Variants in PCDHA2 observed in about 807,000 individuals in gnomAD.
PCDHA2 encodes the protein protocadherin alpha-2.
In PCDHA2, 58 loss-of-function variants were observed where a neutral mutation model predicts 66.0. The ratio of observed to expected loss-of-function variants is 0.88; its 90% confidence interval spans 0.71 to 1.09. PCDHA2 has a LOEUF of 1.09. Ranked by LOEUF, PCDHA2 falls within the 50% of genes least tolerant of loss-of-function variation. The probability of loss-of-function intolerance (pLI) is 0.00; values close to 1 mark genes in which losing one functional copy is unlikely to be tolerated. For missense variants in PCDHA2, 1,267 were observed against 1,242.3 expected, an observed-to-expected ratio of 1.02 and a Z score of -0.30; for synonymous variants, 634 against 554.0, an observed-to-expected ratio of 1.14 and a Z score of -2.03.
chr5:140,840,505 T>G (rs1776737088), intron 1 of PCDHA2, among the ~76,000 whole-genome samples: 1 of 152,026 alleles, frequency 6.6e-6, no homozygotes, highest in African/African-American at 2.4e-5. Flanking sequence ...AATACTCACT[T>G]TTTGGAGCAG....
At chr5:140,824,019 G>C in intron 1 of PCDHA2, 1 of 1,614,082 alleles carries the variant, frequency 6.2e-7, no homozygotes, top group Non-Finnish European at 8.5e-7. Flanking sequence ...GGAGCTGGTC[G>C]TACTCGCAGC....
At chr5:140,849,467 TA>T (rs2040919541) in intron 1 of PCDHA2, 1 of 1,589,264 alleles carries the variant, frequency 6.3e-7, no homozygotes, top group African/African-American at 1.4e-5. Flanking sequence ...AGGCTGTCGA[TA>T]AAGGCTTCCC....
rs142150910 is a variant in PCDHA2, at chr5:140,945,405, C to T, written c.2389-33544C>T. ...AGCAATATACAAATTCAATACAATTCGTATCAAAATTTCAATGAAGTTTTT... is the reference window on the plus strand; with the variant it reads ...AGCAATATACAAATTCAATACAATTTGTATCAAAATTTCAATGAAGTTTTT... On this transcript the variant is annotated intron_variant, in intron 1 of 3. Transcript: ENST00000526136. Among the ~76,000 whole-genome samples, 454 of 152,016 alleles carry T rather than the reference C, an allele frequency of 3.0e-3. 3 individuals are homozygous for T. Among genetic ancestry groups the T allele is most frequent in the African/African-American group, 9.6e-3 (400 of 41,488 alleles).
chr5:140,823,802 A>G, intron 1 of PCDHA2: 2 of 1,613,828 alleles, frequency 1.2e-6, no homozygotes, highest in Non-Finnish European at 1.7e-6. Context: ...CAGGCGCCGA[A>G]GGCCTCATCG....
intron 1 of PCDHA2, chr5:140,824,022 C>T (rs2150131609): frequency 6.2e-7 from 1 of 1,614,118 alleles, no homozygotes; most frequent in East Asian, 2.2e-5. Flanking sequence ...GCTGGTCGTA[C>T]TCGCAGCAGA....
chr5:140,926,954 A>T, intron 1 of PCDHA2: 1 of 1,597,602 alleles, frequency 6.3e-7, no homozygotes, highest in Non-Finnish European at 8.6e-7. Flanking sequence ...GCAGCGGGAC[A>T]GCTCGAGTAC....
intron 1 of PCDHA2, among the ~76,000 whole-genome samples, chr5:140,839,798 G>C (rs1186676408): frequency 6.6e-6 from 1 of 151,960 alleles, no homozygotes; most frequent in Non-Finnish European, 1.5e-5. Context: ...ATTTGGAGGA[G>C]CTCTTAATTG....
At chr5:140,896,960 T>C (rs1242760287) in intron 1 of PCDHA2, among the ~76,000 whole-genome samples, 1 of 152,234 alleles carries the variant, frequency 6.6e-6, no homozygotes, top group Non-Finnish European at 1.5e-5. Context: ...CTTAAACATT[T>C]ATTCTTTGCA....
At chr5:140,828,699 A>C (rs2150158011) in intron 1 of PCDHA2, 16 of 1,614,132 alleles carry the variant, frequency 9.9e-6, no homozygotes, top group Non-Finnish European at 1.4e-5. Flanking sequence ...TTGGACAGAG[A>C]GGAAGCTCCT....
Position 140,796,448 on chromosome 5 carries a change from T to G in PCDHA2, c.1484T>G (p.Val495Gly), listed in dbSNP as rs1399470004. ...AACGCGCTGGTGTCCTACTCGCTGG[T>G]GGAGCGGCGGGTGGGCGAGCGCGCG... The part of the protein sequence containing the change: ...QENALVSYSL[V>G]ERRVGERALS... Residue 495 changes from valine to glycine, a missense_variant, in exon 1 of 4, where the codon GTG (valine) becomes GGG (glycine). By Grantham distance (109) the Val-to-Gly change is moderately radical. Coordinates refer to ENST00000526136, the MANE Select transcript of PCDHA2 (RefSeq NM_018905.3). 1 of 1,613,132 alleles carries G rather than the reference T, an allele frequency of 6.2e-7. No individual in the cohort carries two copies. The highest frequency in any genetic ancestry group is 2.2e-5 in the East Asian group (1 of 44,866).
chr5:140,923,557 A>C (rs1462470621), intron 1 of PCDHA2, among the ~76,000 whole-genome samples: 1 of 152,200 alleles, frequency 6.6e-6, no homozygotes, highest in African/African-American at 2.4e-5. Context: ...AATATCAGCA[A>C]TGAAAGGTCC....
intron 1 of PCDHA2, chr5:140,969,445 A>G (rs2096331821): frequency 1.9e-6 from 3 of 1,542,150 alleles, no homozygotes; most frequent in Non-Finnish European, 2.6e-6. Context: ...TATCTGGTAA[A>G]CTGAGTATAT....
intron 1 of PCDHA2, among the ~76,000 whole-genome samples, chr5:140,944,520 T>G (rs1554216391): frequency 6.6e-6 from 1 of 152,140 alleles, no homozygotes; most frequent in Non-Finnish European, 1.5e-5. Flanking sequence ...TATTTTGTGC[T>G]TTAAATGATT....
chr5:140,818,984 A>G (rs1254064756), intron 1 of PCDHA2, among the ~76,000 whole-genome samples: 1 of 152,256 alleles, frequency 6.6e-6, no homozygotes, highest in African/African-American at 2.4e-5. Flanking sequence ...AACTATTCTC[A>G]TATTTTCTAT....
At position 140,848,200 on chromosome 5, in the gene PCDHA2, A is replaced by G. The variant is rs1011742191; in HGVS notation, c.2388+50848A>G. On this transcript the variant is annotated intron_variant, in intron 1 of 3. Transcript: ENST00000526136. ...AGAAACGGGATCTTCTGTTTCAACA[A>G]TCATTACTTAAGAAAAAATTAAGAA... is the stretch of plus-strand genomic sequence containing the variant. 48 of 323,068 alleles carry G rather than the reference A, an allele frequency of 1.5e-4. 5 individuals carry two copies. Among genetic ancestry groups the G allele is most frequent in the Non-Finnish European group, 1.1e-5 (2 of 175,496 alleles). 20.0% of individuals were successfully genotyped at this position (323,068 alleles called of 1,614,324 possible). A position where few individuals can be genotyped will look rare whatever the true frequency, so the allele number is the denominator to read the frequency against.
intron 3 of PCDHA2, among the ~76,000 whole-genome samples, chr5:140,990,327 A>G (rs2097387817): frequency 1.3e-5 from 2 of 152,174 alleles, no homozygotes; most frequent in African/African-American, 4.8e-5. Flanking sequence ...AACAAACTTT[A>G]AAAATAAGTA....
intron 1 of PCDHA2, chr5:140,803,310 T>G: frequency 6.2e-7 from 1 of 1,614,150 alleles, no homozygotes; most frequent in East Asian, 2.2e-5. Context: ...CGTCGCCATC[T>G]GCGCGGTGTC....
At chr5:140,990,507 T>C (rs1554251511) in intron 3 of PCDHA2, among the ~76,000 whole-genome samples, 1 of 152,158 alleles carries the variant, frequency 6.6e-6, no homozygotes, top group East Asian at 1.9e-4. Context: ...CCCCAAGTCT[T>C]CTCTCTTGTC....
At chr5:140,857,310 A>T in intron 1 of PCDHA2, 1 of 1,598,608 alleles carries the variant, frequency 6.3e-7, no homozygotes, top group Non-Finnish European at 8.6e-7. Flanking sequence ...TCGGCCTATG[A>T]GCTGGTGGTG....
Sources: gnomAD v4.1 joint callset for allele counts (sites outside exome capture counted in the v4.1 genomes callset) on GRCh38, gnomAD v4.1.1 for gene constraint, MANE v1.5 for transcripts, NCBI Gene and HGNC (gene_info 2026-07-23, HGNC 2026-07-21) for gene names.